Variants in CACNA1B observed in about 807,000 individuals in gnomAD.
The protein encoded by CACNA1B is calcium voltage-gated channel subunit alpha1 B, also known as voltage-dependent N-type calcium channel subunit alpha-1B.
A neutral mutation model predicts 247.2 loss-of-function variants in CACNA1B; 70 were observed. The ratio of observed to expected loss-of-function variants is 0.28; its 90% CI spans 0.23 to 0.35. CACNA1B has a LOEUF of 0.35. CACNA1B is among the 10% of genes least tolerant of loss of function. The pLI is 1.00. For synonymous variants in CACNA1B, 1,231 were observed against 1,294.4 expected, an observed-to-expected ratio of 0.95 and a Z score of 1.05; for missense variants, 2,367 against 3,197.4, an observed-to-expected ratio of 0.74 and a Z score of 6.26.
chr9:137,989,788 G>A (rs1589051825), intron 15 of CACNA1B, among the ~76,000 whole-genome samples: 1 of 152,054 alleles, frequency 6.6e-6, no homozygotes, highest in African/African-American at 2.4e-5. Context: ...TTGAAAGCAC[G>A]ACAAAAGCTT....
In CACNA1B at chr9:138,008,012, C is replaced by A. The variant is rs192648783; in HGVS notation, c.2092+1128C>A. 2.6e-5 allele frequency among the ~76,000 whole-genome samples: 4 copies of A among 152,276 alleles called. No individual in the cohort carries two copies. The East Asian group carries it at 7.7e-4, about 29-fold the overall frequency. On this transcript the variant is annotated intron_variant, in intron 16 of 46. Transcript: ENST00000371372. Reference sequence around the variant, plus strand: ...CTCCCTCTCTCAGTCTTGTTAGTCACGGGGTGGTCCTTAGGCTGCAGCTCA... The same window carrying A: ...CTCCCTCTCTCAGTCTTGTTAGTCAAGGGGTGGTCCTTAGGCTGCAGCTCA...
intron 38 of CACNA1B, 67 bp from the exon 39 acceptor site, chr9:138,105,632 T>A (rs573167194): frequency 4.8e-6 from 4 of 832,098 alleles, no homozygotes; most frequent in Non-Finnish European, 7.9e-6. Flanking sequence ...GACCCCATCA[T>A]TGCGTAGTCT....
At position 137,881,104 on chromosome 9, in the gene CACNA1B, C is replaced by T. The variant is rs1450674519; in HGVS notation, c.391-1640C>T. ...CCTTCCTAGGCGTCGGGCCTGTTCTCTTTTTCACCAGGAAGTTTCCTGTGA... is the reference window on the plus strand; with the variant it reads ...CCTTCCTAGGCGTCGGGCCTGTTCTTTTTTTCACCAGGAAGTTTCCTGTGA... On this transcript the variant is annotated intron_variant, in intron 2 of 46. Coordinates refer to ENST00000371372, the MANE Select transcript of CACNA1B (RefSeq NM_000718.4). The surrounding 1 kb of genome is among the most constrained non-coding windows in gnomAD (Gnocchi z 4.3). Among the ~76,000 whole-genome samples, 1 of 152,220 alleles carries T rather than the reference C, an allele frequency of 6.6e-6. No homozygotes were observed. The highest frequency in any genetic ancestry group is 2.4e-5 in the African/African-American group (1 of 41,466).
chr9:138,108,352 A>G (rs1961508348), intron 39 of CACNA1B, among the ~76,000 whole-genome samples: 1 of 151,114 alleles, frequency 6.6e-6, no homozygotes, highest in Admixed American at 6.6e-5. Flanking sequence ...ATAATACCAT[A>G]TATATTAAAT....
At position 138,054,150 on chromosome 9, in the gene CACNA1B, G is replaced by C; in HGVS notation, c.3968+144G>C. 4 of 753,240 alleles carry C rather than the reference G, an allele frequency of 5.3e-6. No individual in the cohort carries two copies. Among genetic ancestry groups the C allele is most frequent in the Non-Finnish European group, 6.7e-6 (3 of 450,978 alleles). 46.7% of individuals were successfully genotyped at this position (753,240 alleles called of 1,614,324 possible). A position where few individuals can be genotyped will look rare whatever the true frequency, so the allele number is the denominator to read the frequency against. ...TCACGGACCCTGCCTGAGGGCCGAG[G>C]AGGGGCTTGCTTGAGAAGGGCTAGA... On this transcript the variant is annotated intron_variant, in intron 26 of 46. Transcript: ENST00000371372. This position sits in a 1 kb window ranked among gnomAD's most constrained non-coding sequence, Gnocchi z 4.6.
At chr9:138,009,924 G>C in intron 16 of CACNA1B, 86 bp from the exon 17 acceptor site, 2 of 1,077,374 alleles carry the variant, frequency 1.9e-6, no homozygotes, top group Admixed American at 1.8e-5. Context: ...CTGGAGGCTG[G>C]TTGGGATCTG....
chr9:137,920,719 G>C (rs1434360114), intron 6 of CACNA1B, among the ~76,000 whole-genome samples: 3 of 152,170 alleles, frequency 2.0e-5, no homozygotes, highest in Non-Finnish European at 4.4e-5. Flanking sequence ...CATTGTACTA[G>C]TTCCGTGAAG....
intron 44 of CACNA1B, 89 bp downstream of exon 44, chr9:138,118,857 GA>G: frequency 1.5e-6 from 1 of 668,340 alleles, no homozygotes; most frequent in Non-Finnish European, 2.6e-6. Flanking sequence ...TGCAGGTGAG[GA>G]GAGCTGGGGT....
rs1962180218 is a variant in CACNA1B at position 138,123,803 on chromosome 9, A to G, written c.*1804A>G. On this transcript the variant is annotated 3_prime_UTR_variant, in exon 47 of 47. Coordinates refer to ENST00000371372, the MANE Select transcript of CACNA1B (RefSeq NM_000718.4). Reference sequence around the variant, plus strand: ...TCTGAAACTTTAAAGATAACAGAGTATTTTATTCCAATAGAATAAACCAGG... The same window carrying G: ...TCTGAAACTTTAAAGATAACAGAGTGTTTTATTCCAATAGAATAAACCAGG... 1 of 152,226 alleles carries G rather than the reference A, an allele frequency of 6.6e-6. No homozygotes were observed. The highest frequency in any genetic ancestry group is 1.5e-5 in the Non-Finnish European group (1 of 68,044). 9.4% of individuals were successfully genotyped at this position (152,226 alleles called of 1,614,324 possible).
At chr9:138,066,762 C>T (rs1208929451) in intron 31 of CACNA1B, among the ~76,000 whole-genome samples, 1 of 152,086 alleles carries the variant, frequency 6.6e-6, no homozygotes, top group Non-Finnish European at 1.5e-5. Context: ...AAGAAATTTA[C>T]AGCCTTAATG....
chr9:138,083,633 C>T (rs1019263176), intron 36 of CACNA1B, among the ~76,000 whole-genome samples: 8 of 145,406 alleles, frequency 5.5e-5, no homozygotes, highest in Non-Finnish European at 1.2e-4. Flanking sequence ...CAGGGCTGAA[C>T]TGACATGGTA....
intron 36 of CACNA1B, among the ~76,000 whole-genome samples, chr9:138,079,292 C>A (rs1180851073): frequency 6.6e-6 from 1 of 152,140 alleles, no homozygotes; most frequent in Non-Finnish European, 1.5e-5. Context: ...GCTGAAGACT[C>A]TACCCCAAGG....
At position 137,955,308 on chromosome 9, in the gene CACNA1B, A is replaced by G. The variant is rs1252031508; in HGVS notation, c.1071-390A>G. ...TCTCGCCAGGAGCTCTCTGGAGGAC[A>G]GCAGATAACAGAGCCTGGCACAAGG... On this transcript the variant is annotated intron_variant, in intron 7 of 46. Transcript: ENST00000371372. This position sits in a 1 kb window ranked among gnomAD's most constrained non-coding sequence, Gnocchi z 6.9. Among the ~76,000 whole-genome samples the G allele has an allele frequency of 1.3e-5, 2 of 152,194 alleles. No homozygotes were observed. The highest frequency in any genetic ancestry group is 4.8e-5 in the African/African-American group (2 of 41,460).
At chr9:137,920,976 CTA>C (rs1957470653) in intron 6 of CACNA1B, among the ~76,000 whole-genome samples, 1 of 152,188 alleles carries the variant, frequency 6.6e-6, no homozygotes, top group Non-Finnish European at 1.5e-5. Context: ...CTTTAGATAA[CTA>C]TTTTCATACA....
chr9:137,953,917 G>A (rs928655696), intron 7 of CACNA1B, among the ~76,000 whole-genome samples: 7 of 152,116 alleles, frequency 4.6e-5, no homozygotes, highest in Non-Finnish European at 1.0e-4. Flanking sequence ...ACGCTGCCTG[G>A]TGGGAAGCCT....
rs962672192 is a variant in CACNA1B, at chr9:137,952,877, G to A, written c.1070+500G>A. 1.3e-5 allele frequency among the ~76,000 whole-genome samples: 2 copies of A among 152,088 alleles called. No individual in the cohort carries two copies. The highest frequency in any genetic ancestry group is 2.4e-5 in the African/African-American group (1 of 41,402). On this transcript the variant is annotated intron_variant, in intron 7 of 46. Coordinates refer to ENST00000371372, the MANE Select transcript of CACNA1B (RefSeq NM_000718.4). This position sits in a 1 kb window ranked among gnomAD's most constrained non-coding sequence, Gnocchi z 4.8. ...GGCCACAGAGAGCCCCTCTGTTACTGTGGTGAGAAATAACTGGGGGCACCC... is the reference window on the plus strand; with the variant it reads ...GGCCACAGAGAGCCCCTCTGTTACTATGGTGAGAAATAACTGGGGGCACCC...
chr9:138,088,959 C>CAAAAAAA (rs56112600), intron 36 of CACNA1B, among the ~76,000 whole-genome samples: 80 of 61,414 alleles, frequency 1.3e-3, no homozygotes, highest in Non-Finnish European at 2.1e-3. Flanking sequence ...AACTCCGTCT[C>CAAAAAAA]AAAAAAAAAA....
rs1960050689 is a variant in CACNA1B, at chr9:138,069,683, T to C, written c.4669-75T>C. The C allele has an allele frequency of 2.7e-6, 3 of 1,109,692 alleles. No individual in the cohort carries two copies. The East Asian group carries it at 7.1e-5, about 26-fold the overall frequency. 68.7% of individuals were successfully genotyped at this position (1,109,692 alleles called of 1,614,324 possible). ...AAAACCCATGTCTCCGTCTGTATGT[T>C]GTGCACCTGCTGCTCAAACCTCCCC... On this transcript the variant is annotated intron_variant, in intron 31 of 46. Transcript: ENST00000371372.
At chr9:137,966,782 C>T (rs1958083281) in intron 10 of CACNA1B, among the ~76,000 whole-genome samples, 1 of 152,170 alleles carries the variant, frequency 6.6e-6, no homozygotes, top group African/African-American at 2.4e-5. Context: ...TCGTGATCCG[C>T]CCGCCTTGGC....
Sources: allele counts gnomAD v4.1 joint callset (sites outside exome capture counted in the v4.1 genomes callset), GRCh38; gene constraint gnomAD v4.1.1; non-coding constraint Gnocchi (gnomAD v3.1); transcripts MANE v1.5; gene names NCBI Gene and HGNC (gene_info 2026-07-23, HGNC 2026-07-21).